The following FBXO8 variants were observed in gnomAD, a reference collection of about 807,000 sequenced individuals.
FBXO8 encodes F-box protein 8, also known as F-box only protein 8.
Under a neutral mutation model 33.4 loss-of-function variants are expected in FBXO8, and 15 were observed. The observed-to-expected ratio is 0.45, with a 90% CI of 0.30 to 0.69. The LOEUF (loss-of-function observed/expected upper bound fraction) is 0.69, where lower values mean the gene tolerates loss of function less well. Among genes scored for constraint, FBXO8 ranks in the 30% least tolerant of loss-of-function variants. The pLI, the probability that FBXO8 is intolerant of heterozygous loss-of-function variation, is 0.08. For synonymous variants in FBXO8, 132 were observed against 131.5 expected (o/e 1.00, Z -0.02); for missense variants, 274 against 380.3 (o/e 0.72, Z 2.32).
At position 174,274,077 on chromosome 4, in the gene FBXO8, C is replaced by A. The variant is rs1736898168; in HGVS notation, c.-9+9333G>T. On this transcript the variant is annotated intron_variant, in intron 1 of 5. Coordinates refer to ENST00000393674, the MANE Select transcript of FBXO8 (RefSeq NM_012180.3). The surrounding 1 kb of genome is among the most constrained non-coding windows in gnomAD (Gnocchi z 4.0). The stretch of plus-strand genomic sequence containing the variant: ...GCCCATGGATGACAAAAGCAATTTA[C>A]CATCTGTTTCTTCACCACTGGTTCT... Among the ~76,000 whole-genome samples, 1 of 152,184 alleles carries A rather than the reference C, an allele frequency of 6.6e-6. No homozygotes were observed. Among genetic ancestry groups the A allele is most frequent in the African/African-American group, 2.4e-5 (1 of 41,440 alleles).
chr4:174,278,478 A>C lies in FBXO8; in HGVS notation c.-9+4932T>G, dbSNP rs1245690568. ...TTATTTAAATGCAACCAAAAATCTA[A>C]GAATTTTAGGCTTATTCAATTTCTG... On this transcript the variant is annotated intron_variant, in intron 1 of 5. Coordinates refer to ENST00000393674, the MANE Select transcript of FBXO8 (RefSeq NM_012180.3). This position sits in a 1 kb window ranked among gnomAD's most constrained non-coding sequence, Gnocchi z 4.1. Among the ~76,000 whole-genome samples the C allele has an allele frequency of 6.6e-6, 1 of 152,170 alleles. No homozygotes were observed. Among genetic ancestry groups the C allele is most frequent in the African/African-American group, 2.4e-5 (1 of 41,460 alleles).
At chr4:174,273,652 C>T (rs530841394) in intron 1 of FBXO8, among the ~76,000 whole-genome samples, 50 of 152,194 alleles carry the variant, frequency 3.3e-4, no homozygotes, top group African/African-American at 9.6e-4. Flanking sequence ...AAAACAGTAA[C>T]GTCTATGTCT....
At chr4:174,280,287 G>C (rs1737049331) in intron 1 of FBXO8, among the ~76,000 whole-genome samples, 1 of 151,484 alleles carries the variant, frequency 6.6e-6, no homozygotes, top group Non-Finnish European at 1.5e-5. Context: ...GTACAATGAG[G>C]GACCACCTTA....
At chr4:174,244,506 ACT>A (rs1736114789) in intron 3 of FBXO8, among the ~76,000 whole-genome samples, 1 of 151,542 alleles carries the variant, frequency 6.6e-6, no homozygotes, top group Non-Finnish European at 1.5e-5. Context: ...ACACATTTTA[ACT>A]CCCATTTGCA....
chr4:174,282,112 AT>A (rs1389852460), intron 1 of FBXO8, among the ~76,000 whole-genome samples: 1 of 152,210 alleles, frequency 6.6e-6, no homozygotes, highest in Non-Finnish European at 1.5e-5. Flanking sequence ...AGATTTGGTA[AT>A]TCAATGTTTT....
intron 3 of FBXO8, among the ~76,000 whole-genome samples, chr4:174,243,425 C>CA (rs1736086189): frequency 6.6e-6 from 1 of 150,844 alleles, no homozygotes; most frequent in Non-Finnish European, 1.5e-5. Context: ...ATAACAAATA[C>CA]AAAAAGACAT....
At chr4:174,282,752 C>T (rs892615559) in intron 1 of FBXO8, among the ~76,000 whole-genome samples, 4 of 151,972 alleles carry the variant, frequency 2.6e-5, no homozygotes, top group African/African-American at 7.3e-5. Context: ...ACTTGTAAAA[C>T]AAGTAGAATC....
At position 174,277,076 on chromosome 4, in the gene FBXO8, A is replaced by G. The variant is rs537943653; in HGVS notation, c.-9+6334T>C. Among the ~76,000 whole-genome samples the G allele has an allele frequency of 1.3e-5, 2 of 152,326 alleles. No individual in the cohort carries two copies. Among genetic ancestry groups the G allele is most frequent in the African/African-American group, 2.4e-5 (1 of 41,578 alleles). ...TTTTAGTCTAACCAAGTCTGTTACA[A>G]CAGCATAAAAGCGCTTCCACTTAAA... On this transcript the variant is annotated intron_variant, in intron 1 of 5. Transcript: ENST00000393674. This position sits in a 1 kb window ranked among gnomAD's most constrained non-coding sequence, Gnocchi z 4.9.
In FBXO8 at chr4:174,263,176, A is replaced by T; in HGVS notation, c.-8-76T>A. 2.4e-6 allele frequency: 3 copies of T among 1,252,088 alleles called. No individual in the cohort carries two copies. In the South Asian group the frequency reaches 4.4e-5, roughly 18 times the overall value. The allele number at this position is 1,252,088 out of a possible 1,614,324, so 77.6% of individuals were successfully genotyped here. ...TTTTCCCAGTGGTATAACAAATCTG[A>T]CATGAAGCATTCATTTATCAGAATT... On this transcript the variant is annotated intron_variant, in intron 1 of 5. Coordinates refer to ENST00000393674, the MANE Select transcript of FBXO8 (RefSeq NM_012180.3). This position sits in a 1 kb window ranked among gnomAD's most constrained non-coding sequence, Gnocchi z 4.2.
At position 174,254,100 on chromosome 4, in the gene FBXO8, T is replaced by C. The variant is rs576237186; in HGVS notation, c.456+5599A>G. On this transcript the variant is annotated intron_variant, in intron 3 of 5. Transcript: ENST00000393674. The surrounding 1 kb of genome is among the most constrained non-coding windows in gnomAD (Gnocchi z 4.2). ...CTTAGCTGATACATACAGGGAGAAGTGGGTACTGCAAGAAGCCAGTCATAA... is the reference window on the plus strand; with the variant it reads ...CTTAGCTGATACATACAGGGAGAAGCGGGTACTGCAAGAAGCCAGTCATAA... Among the ~76,000 whole-genome samples the C allele has an allele frequency of 6.0e-4, 91 of 152,214 alleles. No homozygotes were observed. Among genetic ancestry groups the C allele is most frequent in the African/African-American group, 2.1e-3 (89 of 41,520 alleles).
rs1291720371 is a variant in FBXO8, at chr4:174,251,272, T to C, written c.456+8427A>G. 6.6e-6 allele frequency among the ~76,000 whole-genome samples: 1 copy of C among 152,114 alleles called. No individual in the cohort carries two copies. The highest frequency in any genetic ancestry group is 6.6e-5 in the Admixed American group (1 of 15,264). Reference sequence around the variant, plus strand: ...CTGAATAAAACAAGAGCAAAATACATCAGGTGGTTTGATTGATGAATAAAC... The same window carrying C: ...CTGAATAAAACAAGAGCAAAATACACCAGGTGGTTTGATTGATGAATAAAC... On this transcript the variant is annotated intron_variant, in intron 3 of 5. Coordinates refer to ENST00000393674, the MANE Select transcript of FBXO8 (RefSeq NM_012180.3). This position sits in a 1 kb window ranked among gnomAD's most constrained non-coding sequence, Gnocchi z 4.2.
In FBXO8 at chr4:174,272,414, T is replaced by C. The variant is rs1736858378; in HGVS notation, c.-8-9314A>G. 6.6e-6 allele frequency among the ~76,000 whole-genome samples: 1 copy of C among 152,260 alleles called. No individual in the cohort carries two copies. The highest frequency in any genetic ancestry group is 2.4e-5 in the African/African-American group (1 of 41,472). On this transcript the variant is annotated intron_variant, in intron 1 of 5. Coordinates refer to ENST00000393674, the MANE Select transcript of FBXO8 (RefSeq NM_012180.3). The surrounding 1 kb of genome is among the most constrained non-coding windows in gnomAD (Gnocchi z 4.7). Reference sequence around the variant, plus strand: ...ATACTGTATTCTAAAATTTGTATTATTATTTATTGTTGTACTGTTACTTTC... The same window carrying C: ...ATACTGTATTCTAAAATTTGTATTACTATTTATTGTTGTACTGTTACTTTC...
rs1295627092 is a variant in FBXO8 at position 174,277,847 on chromosome 4, A to T, written c.-9+5563T>A. Reference sequence around the variant, plus strand: ...TAAGGAAATCCACTTATATGTTTTTATAAATTTTCAGTGCTTTTAAGTAAA... The same window carrying T: ...TAAGGAAATCCACTTATATGTTTTTTTAAATTTTCAGTGCTTTTAAGTAAA... On this transcript the variant is annotated intron_variant, in intron 1 of 5. Transcript: ENST00000393674. The surrounding 1 kb of genome is among the most constrained non-coding windows in gnomAD (Gnocchi z 4.9). Among the ~76,000 whole-genome samples the T allele has an allele frequency of 2.0e-5, 3 of 152,160 alleles. No homozygotes were observed. Among genetic ancestry groups the T allele is most frequent in the Non-Finnish European group, 4.4e-5 (3 of 67,964 alleles).
In FBXO8 at chr4:174,278,233, T is replaced by C. The variant is rs537878953; in HGVS notation, c.-9+5177A>G. On this transcript the variant is annotated intron_variant, in intron 1 of 5. Coordinates refer to ENST00000393674, the MANE Select transcript of FBXO8 (RefSeq NM_012180.3). The surrounding 1 kb of genome is among the most constrained non-coding windows in gnomAD (Gnocchi z 4.1). The stretch of plus-strand genomic sequence containing the variant: ...AAGTACTAAGAGGTCACAAGGTACA[T>C]TGAACACATAAAAAGCCCCTACTCA... Among the ~76,000 whole-genome samples the C allele has an allele frequency of 4.5e-4, 69 of 152,170 alleles. 1 individual carries two copies. The highest frequency in any genetic ancestry group is 9.8e-4 in the Admixed American group (15 of 15,298).
In FBXO8 at chr4:174,283,636, C is replaced by T; in HGVS notation, c.-235G>A. The T allele has an allele frequency of 2.7e-6, 1 of 364,780 alleles. No individual in the cohort carries two copies. Among genetic ancestry groups the T allele is most frequent in the Non-Finnish European group, 4.9e-6 (1 of 205,490 alleles). The allele number at this position is 364,780 out of a possible 1,614,324, so 22.6% of individuals were successfully genotyped here. A position where few individuals can be genotyped will look rare whatever the true frequency, so the allele number is the denominator to read the frequency against. ...CTCCAGCTGCAGGGGCCAGAACTGC[C>T]GACTATCCCAATTTTGACGTTTCCT... On this transcript the variant is annotated 5_prime_UTR_variant, in exon 1 of 6. Coordinates refer to ENST00000393674, the MANE Select transcript of FBXO8 (RefSeq NM_012180.3). The surrounding 1 kb of genome is among the most constrained non-coding windows in gnomAD (Gnocchi z 6.7).
chr4:174,254,259 G>A lies in FBXO8; in HGVS notation c.456+5440C>T, dbSNP rs1019081767. Among the ~76,000 whole-genome samples, 5 of 152,196 alleles carry A rather than the reference G, an allele frequency of 3.3e-5. No individual in the cohort carries two copies. The highest frequency in any genetic ancestry group is 2.1e-4 in the South Asian group (1 of 4,812). ...ATCTTTCTCTTTCTTTATGCTATCT[G>A]GCATTGTTTGAAGTATGTGTGTCTT... On this transcript the variant is annotated intron_variant, in intron 3 of 5. Transcript: ENST00000393674. The surrounding 1 kb of genome is among the most constrained non-coding windows in gnomAD (Gnocchi z 4.2).
rs531329000 is a variant in FBXO8, at chr4:174,278,570, T to C, written c.-9+4840A>G. On this transcript the variant is annotated intron_variant, in intron 1 of 5. Coordinates refer to ENST00000393674, the MANE Select transcript of FBXO8 (RefSeq NM_012180.3). This position sits in a 1 kb window ranked among gnomAD's most constrained non-coding sequence, Gnocchi z 4.1. ...AAACTTTAAAATAAATGTATCATAC[T>C]TCTCACTAGCATTATTTTTAATTAT... Among the ~76,000 whole-genome samples the C allele has an allele frequency of 6.6e-6, 1 of 152,228 alleles. No homozygotes were observed. The highest frequency in any genetic ancestry group is 2.1e-4 in the South Asian group (1 of 4,834).
chr4:174,262,802 A>T lies in FBXO8; in HGVS notation c.291T>A (p.Val97=), dbSNP rs1560872153. ...GTTCATCATTCGCAAGGTCCTGCCA[A>T]ACACATGAAGCCAAGCAAAGGTCAG... ...NATDLCLASC[V]WQDLANDELL... is the part of the protein sequence containing the mutation. Residue 97 remains valine (V), a synonymous_variant, in exon 2 of 6, where the codon GTT becomes GTA. Coordinates refer to ENST00000393674, the MANE Select transcript of FBXO8 (RefSeq NM_012180.3). The surrounding 1 kb of genome is among the most constrained non-coding windows in gnomAD (Gnocchi z 4.6). 1 of 1,613,968 alleles carries T rather than the reference A, an allele frequency of 6.2e-7. No individual in the cohort carries two copies. The highest frequency in any genetic ancestry group is 1.1e-5 in the South Asian group (1 of 91,078).
In FBXO8 at chr4:174,251,121, T is replaced by C. The variant is rs1736276128; in HGVS notation, c.456+8578A>G. The stretch of plus-strand genomic sequence containing the variant: ...AAATAAAAAATTGTTCATTGTAGCA[T>C]ATCATATTTTAATATTAAAAATTTA... On this transcript the variant is annotated intron_variant, in intron 3 of 5. Coordinates refer to ENST00000393674, the MANE Select transcript of FBXO8 (RefSeq NM_012180.3). This position sits in a 1 kb window ranked among gnomAD's most constrained non-coding sequence, Gnocchi z 4.2. 6.6e-6 allele frequency among the ~76,000 whole-genome samples: 1 copy of C among 152,198 alleles called. No individual in the cohort carries two copies. The highest frequency in any genetic ancestry group is 2.4e-5 in the African/African-American group (1 of 41,456).
Sources: gnomAD v4.1 joint callset for allele counts (sites outside exome capture counted in the v4.1 genomes callset) on GRCh38, gnomAD v4.1.1 for gene constraint, Gnocchi (gnomAD v3.1) non-coding constraint, MANE v1.5 for transcripts, NCBI Gene and HGNC (gene_info 2026-07-23, HGNC 2026-07-21) for gene names.